CETN3: variants seen among roughly 807,000 people sequenced by gnomAD.
The protein encoded by CETN3 is centrin-3.
Under a neutral mutation model 20.1 loss-of-function variants are expected in CETN3, and 17 were observed. That is an observed-to-expected ratio of 0.85 (90% CI 0.58 to 1.27). CETN3 has a LOEUF of 1.27. Among genes scored for constraint, CETN3 ranks in the 50% most tolerant of loss-of-function variants. CETN3 has a pLI of 0.00. For missense variants in CETN3, 169 were observed against 191.2 expected (o/e 0.88, Z 0.69); for synonymous variants, 52 against 59.7 (o/e 0.87, Z 0.59).
intron 4 of CETN3, chr5:90,396,166 C>G: frequency 1.0e-6 from 1 of 984,956 alleles, no homozygotes; most frequent in Non-Finnish European, 1.2e-6. Context: ...ATCAGAAATA[C>G]AGTCAAAGAA....
rs1260030451 is a variant in CETN3, at chr5:90,407,739, T to C, written c.113A>G (p.Asp38Gly). ...ATCTATTGCTTCATCTTTGTCTGTA[T>C]CAAATAGTTCAAAAGCATCTTTAAT... The part of the protein sequence containing the change: ...QEIKDAFELF[D>G]TDKDEAIDYH... The change falls in exon 2 of 5, where the codon GAT (aspartate) becomes GGT (glycine). Residue 38 changes from aspartate to glycine, a missense_variant. Physicochemically the swap from Asp to Gly is moderately conservative, Grantham distance 94 (BLOSUM62 -1). Coordinates refer to ENST00000283122, the MANE Select transcript of CETN3 (RefSeq NM_004365.4). 1.3e-6 allele frequency: 2 copies of C among 1,582,056 alleles called. No individual in the cohort carries two copies. The highest frequency in any genetic ancestry group is 1.3e-5 in the African/African-American group (1 of 74,324).
At chr5:90,403,642 C>T (rs947235924) in intron 3 of CETN3, among the ~76,000 whole-genome samples, 7 of 151,666 alleles carry the variant, frequency 4.6e-5, no homozygotes, top group Admixed American at 4.6e-4. Context: ...GAGGCCGAGG[C>T]GGGCGGATCA....
At chr5:90,396,205 C>CT (rs1417452385) in intron 4 of CETN3, 1 of 985,132 alleles carries the variant, frequency 1.0e-6, no homozygotes, top group African/African-American at 1.7e-5. Context: ...CAGAAATAAG[C>CT]TATGAGTTAG....
At chr5:90,408,090 A>G (rs895962995) in intron 1 of CETN3, among the ~76,000 whole-genome samples, 1 of 152,176 alleles carries the variant, frequency 6.6e-6, no homozygotes, top group Non-Finnish European at 1.5e-5. Flanking sequence ...CTTTTTATTT[A>G]TTCCCACTAA....
intron 4 of CETN3, chr5:90,395,779 AT>A (rs769757175): frequency 4.3e-6 from 3 of 703,346 alleles, no homozygotes; most frequent in South Asian, 6.5e-5. Flanking sequence ...TAGTCTGACA[AT>A]TTTTCTGTTT....
rs1749048335 is a variant in CETN3, at chr5:90,392,743, T to C, written c.*1321A>G. 6.6e-6 allele frequency: 1 copy of C among 152,170 alleles called. No homozygotes were observed. Among genetic ancestry groups the C allele is most frequent in the African/African-American group, 2.4e-5 (1 of 41,414 alleles). The allele number at this position is 152,170 out of a possible 1,614,324, so 9.4% of individuals were successfully genotyped here. ...CGTAAGCCAATTAAGCTTCTTTTCT[T>C]TATAAAATATGCAGTCTTGGGTATT... On this transcript the variant is annotated 3_prime_UTR_variant, in exon 5 of 5. Transcript: ENST00000283122.
At position 90,407,749 on chromosome 5, in the gene CETN3, C is replaced by G. The variant is rs534803813; in HGVS notation, c.103G>C (p.Glu35Gln). The G allele has an allele frequency of 1.4e-5, 23 of 1,595,370 alleles. No individual in the cohort carries two copies. In the South Asian group the frequency reaches 2.2e-4, roughly 16 times the overall value. ...EQKQEIKDAF[E>Q]LFDTDKDEAI... ...TCATCTTTGTCTGTATCAAATAGTT[C>G]AAAAGCATCTTTAATTTCTTGTTTC... The change falls in exon 2 of 5, where the codon GAA (glutamate) becomes CAA (glutamine). Residue 35 changes from glutamate to glutamine, a missense_variant. Transcript: ENST00000283122.
At chr5:90,406,657 A>C (rs541423215) in intron 2 of CETN3, among the ~76,000 whole-genome samples, 1 of 151,890 alleles carries the variant, frequency 6.6e-6, no homozygotes, top group Non-Finnish European at 1.5e-5. Context: ...GTTTATGAGC[A>C]ATGAACAATT....
In CETN3 at chr5:90,393,962, A is replaced by G. The variant is rs2151881220; in HGVS notation, c.*102T>C. On this transcript the variant is annotated 3_prime_UTR_variant, in exon 5 of 5. Coordinates refer to ENST00000283122, the MANE Select transcript of CETN3 (RefSeq NM_004365.4). ...ATAAGATGCTTATTTTTGGTCCTTT[A>G]GGATAAAAGAACTAAGTTGGTTTTT... 1 of 781,314 alleles carries G rather than the reference A, an allele frequency of 1.3e-6. No homozygotes were observed. Among genetic ancestry groups the G allele is most frequent in the Non-Finnish European group, 2.2e-6 (1 of 461,292 alleles). The allele number at this position is 781,314 out of a possible 1,614,324, so 48.4% of individuals were successfully genotyped here. A position where few individuals can be genotyped will look rare whatever the true frequency, so the allele number is the denominator to read the frequency against.
intron 3 of CETN3, 128 bp from the exon 4 acceptor site, chr5:90,399,677 G>A (rs1266815000): frequency 4.3e-6 from 3 of 697,140 alleles, no homozygotes; most frequent in Non-Finnish European, 7.0e-6. Flanking sequence ...ACAATAAAAT[G>A]TCAAATGAGA....
intron 3 of CETN3, 141 bp from the exon 4 acceptor site, chr5:90,399,690 C>T: frequency 1.5e-6 from 1 of 650,718 alleles, no homozygotes; most frequent in Admixed American, 3.0e-5. Flanking sequence ...AAATGAGATC[C>T]CCAAACCCCG....
chr5:90,399,982 G>A (rs949048402), intron 3 of CETN3, among the ~76,000 whole-genome samples: 5 of 152,092 alleles, frequency 3.3e-5, no homozygotes, highest in African/African-American at 1.2e-4. Context: ...CTGACTAAAC[G>A]TCATACTAAC....
chr5:90,394,099 C>A lies in CETN3; in HGVS notation c.469G>T (p.Glu157Ter). ...CCAGTCATAATAGCAATGAACTCCT[C>A]TTGGTTTACTGTGGTAAGAAAGAAA... ...DKDGDGEINQ[E>*]EFIAIMTGDI is the part of the protein sequence containing the mutation. The change falls in exon 5 of 5, where the codon GAG becomes TAG. Residue 157 changes from glutamate (E) to a stop codon, truncating the protein, a stop_gained. Transcript: ENST00000283122. LOFTEE classifies it high-confidence loss of function. The A allele has an allele frequency of 6.4e-7, 1 of 1,553,272 alleles. No individual in the cohort carries two copies. Among genetic ancestry groups the A allele is most frequent in the South Asian group, 1.2e-5 (1 of 86,496 alleles).
chr5:90,409,293 A>G (rs970997037), intron 1 of CETN3, among the ~76,000 whole-genome samples: 1 of 152,168 alleles, frequency 6.6e-6, no homozygotes, highest in African/African-American at 2.4e-5. Flanking sequence ...GGCCCTGACC[A>G]GGCACACGGA....
At chr5:90,400,182 A>C (rs2151882632) in intron 3 of CETN3, among the ~76,000 whole-genome samples, 1 of 152,330 alleles carries the variant, frequency 6.6e-6, no homozygotes, top group Non-Finnish European at 1.5e-5. Flanking sequence ...ATCTGACTAT[A>C]GCAGGAAAGC....
In CETN3 at chr5:90,409,722, A is replaced by G. The variant is rs2151885037; in HGVS notation, c.-61T>C. 1.2e-6 allele frequency: 2 copies of G among 1,606,324 alleles called. No homozygotes were observed. Among genetic ancestry groups the G allele is most frequent in the Non-Finnish European group, 1.7e-6 (2 of 1,173,112 alleles). On this transcript the variant is annotated 5_prime_UTR_variant, in exon 1 of 5. Transcript: ENST00000283122. ...ATTTTAACCCCCTACCCAAGGCAGC[A>G]AGACGCCCACAGCCGTTCAACAGAC...
intron 3 of CETN3, among the ~76,000 whole-genome samples, chr5:90,400,447 TACTA>T (rs1300199371): frequency 1.3e-5 from 2 of 152,080 alleles, no homozygotes; most frequent in South Asian, 2.1e-4. Flanking sequence ...ATTGGTAAGT[TACTA>T]AATAAAATTC....
At chr5:90,396,673 G>A (rs2972966) in intron 4 of CETN3, 89,796 of 720,906 alleles carry the variant, frequency 0.12, 6,298 homozygotes, top group African/African-American at 0.23. Flanking sequence ...AAAAGTACTT[G>A]TTACTTAAAG....
chr5:90,395,591 C>T (rs2086959449), intron 4 of CETN3, among the ~76,000 whole-genome samples: 1 of 152,128 alleles, frequency 6.6e-6, no homozygotes, highest in Non-Finnish European at 1.5e-5. Context: ...GCCTCAGCCT[C>T]CCAAAGTGCT....
Sources: gnomAD v4.1 joint callset for allele counts (sites outside exome capture counted in the v4.1 genomes callset) on GRCh38, gnomAD v4.1.1 for gene constraint, MANE v1.5 for transcripts, NCBI Gene and HGNC (gene_info 2026-07-23, HGNC 2026-07-21) for gene names.